Variants in COX10 observed in about 807,000 individuals in gnomAD.
The protein encoded by COX10 is cytochrome c oxidase assembly factor heme A:farnesyltransferase COX10, also known as protoheme IX farnesyltransferase, mitochondrial.
COX10 carries 27 observed loss-of-function variants against 37.3 expected under a neutral mutation model. That is an observed-to-expected ratio of 0.72 (90% CI 0.53 to 1.00). The LOEUF (loss-of-function observed/expected upper bound fraction) is 1.00. COX10 is among the 50% of genes least tolerant of loss of function. The probability of loss-of-function intolerance (pLI) is 0.00; values close to 1 mark genes in which losing one functional copy is unlikely to be tolerated. For synonymous variants in COX10, 222 were observed against 229.1 expected (o/e 0.97, Z 0.28); for missense variants, 475 against 563.2 (o/e 0.84, Z 1.59).
At chr17:14,086,010 T>C (rs1915401875) in intron 3 of COX10, among the ~76,000 whole-genome samples, 1 of 152,196 alleles carries the variant, frequency 6.6e-6, no homozygotes, top group Non-Finnish European at 1.5e-5. Flanking sequence ...ATGGCATGTT[T>C]GCCTCCCAGC....
chr17:14,190,322 GA>G (rs1426077333), intron 5 of COX10, among the ~76,000 whole-genome samples: 11 of 152,306 alleles, frequency 7.2e-5, no homozygotes, highest in African/African-American at 2.6e-4. Context: ...TCCAGGGTGG[GA>G]ATGTTGGATG....
intron 5 of COX10, among the ~76,000 whole-genome samples, chr17:14,189,517 A>T (rs1906137629): frequency 1.3e-5 from 2 of 152,158 alleles, no homozygotes; most frequent in South Asian, 4.1e-4. Context: ...CATAAATTTG[A>T]TATTTGTTCT....
intron 4 of COX10, among the ~76,000 whole-genome samples, chr17:14,107,670 TACACACACAC>T (rs57092278): frequency 6.7e-6 from 1 of 149,622 alleles, no homozygotes; most frequent in Non-Finnish European, 1.5e-5. Context: ...TGTACTGTTT[TACACACACAC>T]ACACACACAC....
rs527366298 is a variant in COX10, at chr17:14,146,478, C to T, written c.625-13399C>T. Among the ~76,000 whole-genome samples the T allele has an allele frequency of 3.6e-4, 55 of 152,044 alleles. 1 individual carries two copies. The highest frequency in any genetic ancestry group is 5.9e-4 in the Non-Finnish European group (40 of 67,990). On this transcript the variant is annotated intron_variant, in intron 4 of 6. Transcript: ENST00000261643. ...AATGAAACTAGACCCCTATCTCTTG[C>T]CATAAACAAAAATCAAATCAAAATG...
chr17:14,075,785 T>A (rs1313489038), intron 2 of COX10, among the ~76,000 whole-genome samples: 1 of 151,686 alleles, frequency 6.6e-6, no homozygotes, highest in Admixed American at 6.6e-5. Flanking sequence ...GGTCAGGAGA[T>A]CGAGACCATC....
chr17:14,117,894 T>C (rs918281331), intron 4 of COX10, among the ~76,000 whole-genome samples: 1 of 152,008 alleles, frequency 6.6e-6, no homozygotes, highest in Non-Finnish European at 1.5e-5. Flanking sequence ...CAAGATTTTA[T>C]TGGGTGGTGG....
chr17:14,102,019 A>C (rs1298318768), intron 3 of COX10, 99 bp from the exon 4 acceptor site: 2 of 1,427,394 alleles, frequency 1.4e-6, no homozygotes, highest in Non-Finnish European at 2.0e-6. Context: ...AATATAATCA[A>C]TTAGTTTATA....
chr17:14,149,251 AT>A (rs1904821557), intron 4 of COX10, among the ~76,000 whole-genome samples: 1 of 152,020 alleles, frequency 6.6e-6, no homozygotes, highest in African/African-American at 2.4e-5. Flanking sequence ...AATACTTACT[AT>A]GTTTATATCA....
In COX10 at chr17:14,124,511, C is replaced by T. The variant is rs77101820; in HGVS notation, c.624+22269C>T. Among the ~76,000 whole-genome samples the T allele has an allele frequency of 9.1e-4, 138 of 152,222 alleles. 1 individual carries two copies. Among genetic ancestry groups the T allele is most frequent in the African/African-American group, 3.3e-3 (137 of 41,548 alleles). The stretch of plus-strand genomic sequence containing the variant: ...TAGAGTTTGGGAATGCTGTTCCAGT[C>T]CCACTGTGCTTTTTTGGTAAATGTT... On this transcript the variant is annotated intron_variant, in intron 4 of 6. Coordinates refer to ENST00000261643, the MANE Select transcript of COX10 (RefSeq NM_001303.4).
chr17:14,201,233 C>T (rs1302038036), intron 6 of COX10, among the ~76,000 whole-genome samples: 4 of 152,316 alleles, frequency 2.6e-5, no homozygotes, highest in Admixed American at 1.3e-4. Context: ...ACCACAGCCC[C>T]GGCACTAATT....
intron 5 of COX10, among the ~76,000 whole-genome samples, chr17:14,167,845 G>C (rs1424738979): frequency 6.6e-6 from 1 of 152,152 alleles, no homozygotes; most frequent in Non-Finnish European, 1.5e-5. Context: ...AATTTGAGAT[G>C]GGATTTGGTG....
In COX10 at chr17:14,098,165, A is replaced by G. The variant is rs146311242; in HGVS notation, c.500-3953A>G. Among the ~76,000 whole-genome samples, 19 of 152,280 alleles carry G rather than the reference A, an allele frequency of 1.2e-4. No individual in the cohort carries two copies. In the East Asian group the frequency reaches 3.5e-3, roughly 28 times the overall value. ...CTTTTAACTATTACAGTTGTTTATGAGTAGTAAACAACGCTACGTTTGTGT... is the reference window on the plus strand; with the variant it reads ...CTTTTAACTATTACAGTTGTTTATGGGTAGTAAACAACGCTACGTTTGTGT... On this transcript the variant is annotated intron_variant, in intron 3 of 6. Coordinates refer to ENST00000261643, the MANE Select transcript of COX10 (RefSeq NM_001303.4).
At chr17:14,184,151 A>G (rs2855517) in intron 5 of COX10, among the ~76,000 whole-genome samples, 87,426 of 151,656 alleles carry the variant, frequency 0.58, 25,576 homozygotes, top group East Asian at 0.63. Flanking sequence ...GTAGAAACCC[A>G]CCTTCCCTAT....
At chr17:14,139,089 A>G (rs1017390101) in intron 4 of COX10, among the ~76,000 whole-genome samples, 1 of 152,204 alleles carries the variant, frequency 6.6e-6, no homozygotes, top group Non-Finnish European at 1.5e-5. Flanking sequence ...TAATACACAA[A>G]AGAACTTAGC....
intron 4 of COX10, among the ~76,000 whole-genome samples, chr17:14,127,422 C>T (rs1916366845): frequency 6.6e-6 from 1 of 152,096 alleles, no homozygotes; most frequent in African/African-American, 2.4e-5. Flanking sequence ...TATTTACATA[C>T]TGAGTGCAGG....
intron 5 of COX10, among the ~76,000 whole-genome samples, chr17:14,178,974 C>T (rs1597538801): frequency 1.3e-5 from 2 of 152,194 alleles, no homozygotes; most frequent in Admixed American, 1.3e-4. Flanking sequence ...CGGGACTTTA[C>T]GTGGCACTTG....
intron 3 of COX10, among the ~76,000 whole-genome samples, chr17:14,083,719 T>C (rs1915350030): frequency 6.6e-6 from 1 of 152,180 alleles, no homozygotes; most frequent in Non-Finnish European, 1.5e-5. Flanking sequence ...AAGACTGAGA[T>C]TATAAAAAAG....
intron 4 of COX10, among the ~76,000 whole-genome samples, chr17:14,154,110 C>T (rs759895066): frequency 2.6e-5 from 4 of 152,132 alleles, no homozygotes; most frequent in Non-Finnish European, 5.9e-5. Context: ...TGCCTGAGGA[C>T]AAGAAGCTTG....
chr17:14,172,637 T>C (rs565567397), intron 5 of COX10, among the ~76,000 whole-genome samples: 3 of 144,846 alleles, frequency 2.1e-5, no homozygotes, highest in African/African-American at 7.7e-5. Flanking sequence ...TGGAGTGCAG[T>C]GGCAGGACTA....
Sources: allele counts gnomAD v4.1 joint callset (sites outside exome capture counted in the v4.1 genomes callset), GRCh38; gene constraint gnomAD v4.1.1; transcripts MANE v1.5; gene names NCBI Gene and HGNC (gene_info 2026-07-23, HGNC 2026-07-21).